The following N4BP1 variants were observed in gnomAD, a reference collection of about 807,000 sequenced individuals.
N4BP1 encodes NEDD4-binding protein 1.
A neutral mutation model predicts 70.9 loss-of-function variants in N4BP1; 21 were observed. The ratio of observed to expected loss-of-function variants is 0.30; its 90% CI spans 0.21 to 0.43. The LOEUF is 0.43. Among genes scored for constraint, N4BP1 ranks in the 20% least tolerant of loss-of-function variants. The pLI is 1.00. For missense variants in N4BP1, 936 were observed against 1,069.4 expected (o/e 0.88, Z 1.74); for synonymous variants, 387 against 394.6 (o/e 0.98, Z 0.23).
In N4BP1 at chr16:48,586,868, C is replaced by CT. The variant is rs1567441342; in HGVS notation, c.198+22906_198+22907insA. On this transcript the variant is annotated intron_variant, in intron 1 of 6. Transcript: ENST00000262384. Reference sequence around the variant, plus strand: ...CTTTTGTACAGATAAAAACTTTTAACATTTTTTTTTTTAGAGACTACACAC... The same window carrying CT: ...CTTTTGTACAGATAAAAACTTTTAACTATTTTTTTTTTTAGAGACTACACAC... 5.2e-3 allele frequency among the ~76,000 whole-genome samples: 780 copies of CT among 149,762 alleles called. 7 individuals are homozygous for CT. The highest frequency in any genetic ancestry group is 0.017 in the African/African-American group (710 of 40,736).
intron 1 of N4BP1, among the ~76,000 whole-genome samples, chr16:48,585,361 G>C (rs910625668): frequency 1.3e-5 from 2 of 151,712 alleles, no homozygotes; most frequent in African/African-American, 4.8e-5. Context: ...ATTTGGCCCA[G>C]TGTGGTGGCT....
chr16:48,560,121 A>G (rs1225994515), intron 2 of N4BP1, among the ~76,000 whole-genome samples: 2 of 152,158 alleles, frequency 1.3e-5, no homozygotes, highest in African/African-American at 4.8e-5. Flanking sequence ...ACCCAAGCGT[A>G]CAGGTTTCAA....
In N4BP1 at chr16:48,563,301, G is replaced by A. The variant is rs542866687; in HGVS notation, c.199-857C>T. 1.2e-4 allele frequency among the ~76,000 whole-genome samples: 19 copies of A among 152,128 alleles called. No individual in the cohort carries two copies. The East Asian group carries it at 2.5e-3, about 20-fold the overall frequency. ...GCCCAGGAGACTGAGGCTGCAGTAA[G>A]CTGAGATCATGTCACTGCATTCCAG... is the stretch of plus-strand genomic sequence containing the variant. On this transcript the variant is annotated intron_variant, in intron 1 of 6. Transcript: ENST00000262384.
intron 1 of N4BP1, among the ~76,000 whole-genome samples, chr16:48,598,549 A>C (rs1309386827): frequency 4.6e-5 from 7 of 152,150 alleles, no homozygotes; most frequent in Admixed American, 3.3e-4. Flanking sequence ...ATGAGACTAA[A>C]AGATTTTAAT....
At chr16:48,597,017 G>C (rs900514398) in intron 1 of N4BP1, among the ~76,000 whole-genome samples, 4 of 152,128 alleles carry the variant, frequency 2.6e-5, no homozygotes, top group Non-Finnish European at 5.9e-5. Flanking sequence ...AAGACAACAA[G>C]AACATCTCAC....
rs374222793 is a variant in N4BP1, at chr16:48,586,463, A to AT, written c.198+23311dup. Among the ~76,000 whole-genome samples the AT allele has an allele frequency of 3.7e-3, 560 of 151,248 alleles. 3 individuals carry two copies. Among genetic ancestry groups the AT allele is most frequent in the Non-Finnish European group, 5.9e-3 (401 of 67,788 alleles). On this transcript the variant is annotated intron_variant, in intron 1 of 6. Transcript: ENST00000262384. The stretch of plus-strand genomic sequence containing the variant: ...CAGTTGTTTTCTCCTAATTACTCTG[A>AT]TTTTTTTTTCACCGTAACTACACGA...
intron 4 of N4BP1, among the ~76,000 whole-genome samples, chr16:48,548,662 C>T (rs1963622629): frequency 6.6e-6 from 1 of 151,956 alleles, no homozygotes; most frequent in Non-Finnish European, 1.5e-5. Context: ...GTCTGGGCAA[C>T]ATGGTGAAAC....
chr16:48,562,984 A>AT (rs35464893), intron 1 of N4BP1, among the ~76,000 whole-genome samples: 61,074 of 151,676 alleles, frequency 0.4, 13,274 homozygotes, highest in African/African-American at 0.56. Context: ...TTAATAAAAA[A>AT]TTTTTTTCCA....
intron 4 of N4BP1, among the ~76,000 whole-genome samples, chr16:48,550,774 C>G (rs984949821): frequency 6.6e-6 from 1 of 151,502 alleles, no homozygotes; most frequent in African/African-American, 2.4e-5. Flanking sequence ...AAAAATTAGC[C>G]GGGCATGGTG....
chr16:48,582,942 G>A (rs1964194918), intron 1 of N4BP1, among the ~76,000 whole-genome samples: 1 of 152,122 alleles, frequency 6.6e-6, no homozygotes, highest in African/African-American at 2.4e-5. Flanking sequence ...AAAGTAGGTG[G>A]GCATGATGGT....
chr16:48,551,357 A>T, intron 4 of N4BP1, 29 bp downstream of exon 4: 1 of 1,594,344 alleles, frequency 6.3e-7, no homozygotes, highest in South Asian at 1.1e-5. Flanking sequence ...CCCCACTCCA[A>T]CCTTAGGAAG....
intron 3 of N4BP1, 64 bp from the exon 4 acceptor site, chr16:48,551,546 A>T (rs1229924501): frequency 8.7e-7 from 1 of 1,146,372 alleles, no homozygotes; most frequent in African/African-American, 1.6e-5. Context: ...GTATCAAGAA[A>T]TGAAAGTACA....
intron 2 of N4BP1, among the ~76,000 whole-genome samples, chr16:48,555,514 A>G (rs1291638662): frequency 6.6e-6 from 1 of 152,232 alleles, no homozygotes; most frequent in Non-Finnish European, 1.5e-5. Context: ...CATAAATAAG[A>G]TATTTCAGAG....
rs1963867661 is a variant in N4BP1 at position 48,562,053 on chromosome 16, A to G, written c.590T>C (p.Phe197Ser). ...LTLTQGEENL[F>S]ETGDDEVIEM... ...AATAACCTCATCATCTCCTGTTTCA[A>G]AGAGATTCTCCTCACCTTGTGTGAG... The change falls in exon 2 of 7, where the codon TTT becomes TCT. Residue 197 changes from phenylalanine to serine, a missense_variant. By Grantham distance (155) the Phe-to-Ser change is radical. Around this residue, in one of 4 missense-constraint regions of N4BP1, gnomAD observed 515 missense variants for 491.7 expected, o/e 1.05. Transcript: ENST00000262384. 6.2e-7 allele frequency: 1 copy of G among 1,613,780 alleles called. No individual in the cohort carries two copies. Among genetic ancestry groups the G allele is most frequent in the Non-Finnish European group, 8.5e-7 (1 of 1,179,888 alleles).
chr16:48,598,858 C>T lies in N4BP1; in HGVS notation c.198+10917G>A, dbSNP rs138695663. Reference sequence around the variant, plus strand: ...TATGATCCATTGGCAAAGAAAGCCCCGACTAGGGCTACTAGATTGGGAGAA... The same window carrying T: ...TATGATCCATTGGCAAAGAAAGCCCTGACTAGGGCTACTAGATTGGGAGAA... On this transcript the variant is annotated intron_variant, in intron 1 of 6. Coordinates refer to ENST00000262384, the MANE Select transcript of N4BP1 (RefSeq NM_153029.4). Among the ~76,000 whole-genome samples the T allele has an allele frequency of 8.4e-3, 1,274 of 152,012 alleles. 9 individuals are homozygous for T. Among genetic ancestry groups the T allele is most frequent in the Non-Finnish European group, 0.015 (1,015 of 67,990 alleles).
intron 1 of N4BP1, among the ~76,000 whole-genome samples, chr16:48,564,897 C>T (rs1033391206): frequency 2.0e-5 from 3 of 152,090 alleles, no homozygotes; most frequent in South Asian, 2.1e-4. Context: ...CTAGATTTCA[C>T]GTTTTAAGAA....
intron 1 of N4BP1, chr16:48,587,424 T>G (rs551200533): frequency 2.6e-5 from 4 of 152,330 alleles, no homozygotes; most frequent in African/African-American, 9.6e-5. Context: ...ATATAGTTGA[T>G]TTTTTACAAT....
At chr16:48,549,468 A>T (rs1156437422) in intron 4 of N4BP1, among the ~76,000 whole-genome samples, 2 of 152,212 alleles carry the variant, frequency 1.3e-5, no homozygotes, top group African/African-American at 4.8e-5. Flanking sequence ...GCATACTTGT[A>T]CGTGTGTTCC....
rs113960806 is a variant in N4BP1 at position 48,574,735 on chromosome 16, T to C, written c.199-12291A>G. On this transcript the variant is annotated intron_variant, in intron 1 of 6. Coordinates refer to ENST00000262384, the MANE Select transcript of N4BP1 (RefSeq NM_153029.4). Reference sequence around the variant, plus strand: ...ATCTGAGGTATTATTTACCAACAAATCCATTGATTTCTCATAGCATATACA... The same window carrying C: ...ATCTGAGGTATTATTTACCAACAAACCCATTGATTTCTCATAGCATATACA... 2.3e-3 allele frequency among the ~76,000 whole-genome samples: 355 copies of C among 152,290 alleles called. 2 individuals are homozygous for C. The highest frequency in any genetic ancestry group is 8.2e-3 in the African/African-American group (342 of 41,554).
Sources: allele counts gnomAD v4.1 joint callset (sites outside exome capture counted in the v4.1 genomes callset), GRCh38; gene constraint gnomAD v4.1.1; regional missense constraint gnomAD v4.1.1; transcripts MANE v1.5; gene names NCBI Gene and HGNC (gene_info 2026-07-23, HGNC 2026-07-21).